Variants in CARMIL1 observed in about 807,000 individuals in gnomAD.
CARMIL1 encodes the protein capping protein regulator and myosin 1 linker 1.
A neutral mutation model predicts 177.1 loss-of-function variants in CARMIL1; 90 were observed. That is an observed-to-expected ratio of 0.51 (90% confidence interval 0.43 to 0.61). CARMIL1 has a LOEUF of 0.61. Ranked by LOEUF, CARMIL1 falls within the 20% of genes least tolerant of loss-of-function variation. The probability of loss-of-function intolerance (pLI) is 0.00; values close to 1 mark genes in which losing one functional copy is unlikely to be tolerated. For synonymous variants in CARMIL1, 577 were observed against 606.2 expected (o/e 0.95, Z 0.71); for missense variants, 1,380 against 1,667.0 (o/e 0.83, Z 3.00).
At chr6:25,479,243 G>A (rs2150962943) in intron 11 of CARMIL1, 1 of 518,888 alleles carries the variant, frequency 1.9e-6, no homozygotes, top group Non-Finnish European at 3.8e-6. Flanking sequence ...TCTCATGATG[G>A]ATGAGCTTTG....
At position 25,387,632 on chromosome 6, in the gene CARMIL1, T is replaced by G. The variant is rs1354467787; in HGVS notation, c.139-32482T>G. ...TAGAATTCCTACTTGGGGGCATTTC[T>G]TCAATTCAGTGAGCCATTCATGAGA... On this transcript the variant is annotated intron_variant, in intron 2 of 36. Transcript: ENST00000329474. 5.3e-5 allele frequency among the ~76,000 whole-genome samples: 8 copies of G among 152,356 alleles called. No individual in the cohort carries two copies. In the South Asian group the frequency reaches 1.7e-3, roughly 32 times the overall value.
In CARMIL1 at chr6:25,517,336, T is replaced by G; in HGVS notation, c.1806-11T>G. On this transcript the variant is annotated splice_polypyrimidine_tract_variant and intron_variant, in intron 21 of 36. Transcript: ENST00000329474. ...GTGTCTGATCATTTATGTGATTTGA[T>G]TTTCAAACAGGACTGTAATATGGGA... 7 of 1,608,404 alleles carry G rather than the reference T, an allele frequency of 4.4e-6. No individual in the cohort carries two copies. Among genetic ancestry groups the G allele is most frequent in the Non-Finnish European group, 6.0e-6 (7 of 1,175,324 alleles).
chr6:25,540,990 T>C (rs1307878949), intron 26 of CARMIL1, among the ~76,000 whole-genome samples: 1 of 152,184 alleles, frequency 6.6e-6, no homozygotes, highest in East Asian at 1.9e-4. Flanking sequence ...TTAATCACGG[T>C]TGTTTTGAAT....
chr6:25,512,923 C>G (rs137875820), intron 20 of CARMIL1, among the ~76,000 whole-genome samples: 1 of 152,240 alleles, frequency 6.6e-6, no homozygotes, highest in East Asian at 1.9e-4. Flanking sequence ...TAAGCATGTT[C>G]AGCTATGAAA....
At chr6:25,380,243 T>G (rs1205986063) in intron 2 of CARMIL1, among the ~76,000 whole-genome samples, 1 of 152,236 alleles carries the variant, frequency 6.6e-6, no homozygotes, top group African/African-American at 2.4e-5. Context: ...ATTGGGTATT[T>G]AGTATTATAT....
rs373979277 is a variant in CARMIL1, at chr6:25,587,425, A to T, written c.3006+5986A>T. ...GGACAGAGGCTTGTGGGTTTTTTTT[A>T]AAAAACCTGAGCCAACTTGTTTCTA... On this transcript the variant is annotated intron_variant, in intron 31 of 36. Transcript: ENST00000329474. Among the ~76,000 whole-genome samples, 26 of 151,718 alleles carry T rather than the reference A, an allele frequency of 1.7e-4. No individual in the cohort carries two copies. The South Asian group carries it at 3.5e-3, about 21-fold the overall frequency.
chr6:25,285,045 T>C (rs568926090), intron 2 of CARMIL1, 136 bp downstream of exon 2: 1 of 596,046 alleles, frequency 1.7e-6, no homozygotes, highest in East Asian at 2.9e-5. Context: ...CATTTTGTCT[T>C]AGGTTAATTG....
At chr6:25,442,241 T>A (rs1797837899) in intron 5 of CARMIL1, among the ~76,000 whole-genome samples, 1 of 150,704 alleles carries the variant, frequency 6.6e-6, no homozygotes, top group Admixed American at 6.7e-5. Context: ...AAAGAGTTGG[T>A]GTGTTTGTCA....
chr6:25,611,736 C>T (rs1487984651), intron 36 of CARMIL1, among the ~76,000 whole-genome samples: 2 of 152,170 alleles, frequency 1.3e-5, no homozygotes, highest in Non-Finnish European at 2.9e-5. Flanking sequence ...TTTAACATTT[C>T]TGGAAAGTGG....
chr6:25,477,020 C>CA (rs1417232807), intron 11 of CARMIL1, among the ~76,000 whole-genome samples: 3 of 146,846 alleles, frequency 2.0e-5, no homozygotes, highest in African/African-American at 7.6e-5. Context: ...ATCAGGGAGT[C>CA]AGAGGTTGCA....
At chr6:25,613,475 C>T (rs555709595) in intron 36 of CARMIL1, among the ~76,000 whole-genome samples, 3 of 152,200 alleles carry the variant, frequency 2.0e-5, no homozygotes, top group South Asian at 4.1e-4. Context: ...AGGAGTTGCT[C>T]TCTGACTTCT....
At chr6:25,297,700 CTGTCTTTACACCTGACATA>C (rs1325420556) in intron 2 of CARMIL1, among the ~76,000 whole-genome samples, 1 of 152,224 alleles carries the variant, frequency 6.6e-6, no homozygotes, top group Non-Finnish European at 1.5e-5. Flanking sequence ...AAAGTGGCAT[CTGTCTTTACACCTGACATA>C]TGCAGGTTGT....
At chr6:25,344,239 T>A (rs941172737) in intron 2 of CARMIL1, among the ~76,000 whole-genome samples, 20 of 152,136 alleles carry the variant, frequency 1.3e-4, no homozygotes, top group African/African-American at 4.6e-4. Context: ...CCAACCTCAA[T>A]AGTCCATTGA....
intron 8 of CARMIL1, among the ~76,000 whole-genome samples, chr6:25,456,797 T>C (rs1370033504): frequency 6.6e-6 from 1 of 152,168 alleles, no homozygotes; most frequent in Admixed American, 6.5e-5. Flanking sequence ...CATGCATCAT[T>C]GAGCTTCAAC....
chr6:25,413,693 C>A (rs1042377412), intron 2 of CARMIL1, among the ~76,000 whole-genome samples: 2 of 152,086 alleles, frequency 1.3e-5, no homozygotes, highest in Admixed American at 1.3e-4. Flanking sequence ...ATGTGGTTTG[C>A]ATGTTAAGGC....
At chr6:25,610,999 G>A (rs1422143665) in intron 36 of CARMIL1, among the ~76,000 whole-genome samples, 1 of 152,146 alleles carries the variant, frequency 6.6e-6, no homozygotes, top group African/African-American at 2.4e-5. Flanking sequence ...TGGAGTTGCT[G>A]TGTTTTATTT....
chr6:25,499,284 C>T (rs1050874539), intron 16 of CARMIL1, among the ~76,000 whole-genome samples: 3 of 152,224 alleles, frequency 2.0e-5, no homozygotes, highest in Non-Finnish European at 4.4e-5. Flanking sequence ...GTACTTACCA[C>T]TGGCAGCCTT....
rs549760774 is a variant in CARMIL1, at chr6:25,548,487, G to A, written c.2329-2423G>A. ...TTATTGTGTATATGTTTTATCATAT[G>A]TATTGTATAGGTGATTGTAGATAAA... On this transcript the variant is annotated intron_variant, in intron 26 of 36. Coordinates refer to ENST00000329474, the MANE Select transcript of CARMIL1 (RefSeq NM_017640.6). 2.6e-5 allele frequency among the ~76,000 whole-genome samples: 4 copies of A among 152,252 alleles called. No homozygotes were observed. The East Asian group carries it at 7.7e-4, about 29-fold the overall frequency.
chr6:25,570,217 G>A (rs1811954371), intron 29 of CARMIL1, among the ~76,000 whole-genome samples: 1 of 152,172 alleles, frequency 6.6e-6, no homozygotes, highest in African/African-American at 2.4e-5. Flanking sequence ...GCCCGCCTCG[G>A]CCTCCCAAAG....
Sources: gnomAD v4.1 joint callset for allele counts (sites outside exome capture counted in the v4.1 genomes callset) on GRCh38, gnomAD v4.1.1 for gene constraint, MANE v1.5 for transcripts, NCBI Gene and HGNC (gene_info 2026-07-23, HGNC 2026-07-21) for gene names.